Variants in MIPOL1 observed in about 807,000 individuals in gnomAD.
MIPOL1 encodes mirror-image polydactyly gene 1 protein.
In MIPOL1, 57 loss-of-function variants were observed where a neutral mutation model predicts 60.9. That is an observed-to-expected ratio of 0.94 (90% CI 0.76 to 1.17). The LOEUF (loss-of-function observed/expected upper bound fraction) is 1.17, where lower values mean the gene tolerates loss of function less well. Among genes scored for constraint, MIPOL1 ranks in the 50% most tolerant of loss-of-function variants. The pLI is 0.00. For synonymous variants in MIPOL1, 179 were observed against 168.8 expected, an observed-to-expected ratio of 1.06 and a Z score of -0.47; for missense variants, 551 against 511.6, an observed-to-expected ratio of 1.08 and a Z score of -0.74.
chr14:37,214,351 T>C (rs1229551981), intron 1 of MIPOL1, among the ~76,000 whole-genome samples: 2 of 152,120 alleles, frequency 1.3e-5, no homozygotes, highest in African/African-American at 4.8e-5. Flanking sequence ...GGCATAGAGT[T>C]TTTATTAGTT....
At chr14:37,334,480 ATTAC>A (rs1458306312) in intron 9 of MIPOL1, among the ~76,000 whole-genome samples, 2 of 151,960 alleles carry the variant, frequency 1.3e-5, no homozygotes, top group Non-Finnish European at 2.9e-5. Context: ...TTCATATATA[ATTAC>A]TTAATTGTTT....
chr14:37,518,094 A>T (rs2095384080), intron 12 of MIPOL1, among the ~76,000 whole-genome samples: 1 of 152,228 alleles, frequency 6.6e-6, no homozygotes, highest in South Asian at 2.1e-4. Flanking sequence ...TTGACTATAC[A>T]TCCTTAGTGG....
intron 10 of MIPOL1, among the ~76,000 whole-genome samples, chr14:37,386,727 T>C (rs143918908): frequency 3.3e-5 from 5 of 152,120 alleles, no homozygotes; most frequent in African/African-American, 1.2e-4. Flanking sequence ...AGAGAACAGA[T>C]AAATCACTGA....
chr14:37,542,204 G>A (rs933591343), intron 12 of MIPOL1, among the ~76,000 whole-genome samples: 1 of 152,054 alleles, frequency 6.6e-6, no homozygotes, highest in Middle Eastern at 3.2e-3. Context: ...TCACTTCTTG[G>A]AGTTCTCATC....
At chr14:37,335,201 G>A (rs935317467) in intron 9 of MIPOL1, among the ~76,000 whole-genome samples, 1 of 151,798 alleles carries the variant, frequency 6.6e-6, no homozygotes, top group African/African-American at 2.4e-5. Flanking sequence ...TAACCATCCC[G>A]GTGGATGTGA....
intron 12 of MIPOL1, among the ~76,000 whole-genome samples, chr14:37,520,464 C>T (rs576584545): frequency 1.6e-4 from 24 of 152,064 alleles, no homozygotes; most frequent in Non-Finnish European, 3.2e-4. Flanking sequence ...TAAAACTAAC[C>T]AGTTATTCTA....
At chr14:37,293,621 T>C (rs2085312162) in intron 7 of MIPOL1, among the ~76,000 whole-genome samples, 1 of 152,128 alleles carries the variant, frequency 6.6e-6, no homozygotes, top group African/African-American at 2.4e-5. Flanking sequence ...AATACTACGC[T>C]TTTCCAATGG....
At chr14:37,490,714 A>T (rs2095035639) in intron 11 of MIPOL1, among the ~76,000 whole-genome samples, 1 of 151,816 alleles carries the variant, frequency 6.6e-6, no homozygotes, top group African/African-American at 2.4e-5. Flanking sequence ...GAATTTCCTG[A>T]CCCCTTAACA....
intron 10 of MIPOL1, among the ~76,000 whole-genome samples, chr14:37,386,959 A>G (rs2093087101): frequency 6.6e-6 from 1 of 151,964 alleles, no homozygotes; most frequent in Admixed American, 6.6e-5. Context: ...AACAGAGCCA[A>G]TTGATAATAT....
chr14:37,319,947 G>T (rs1315991750), intron 9 of MIPOL1, among the ~76,000 whole-genome samples: 2 of 152,054 alleles, frequency 1.3e-5, no homozygotes, highest in Non-Finnish European at 2.9e-5. Flanking sequence ...GTTAACTACT[G>T]TATGTTGATC....
At position 37,293,570 on chromosome 14, in the gene MIPOL1, G is replaced by A. The variant is rs373794077; in HGVS notation, c.623+8123G>A. Among the ~76,000 whole-genome samples the A allele has an allele frequency of 4.6e-5, 7 of 152,244 alleles. No individual in the cohort carries two copies. In the East Asian group the frequency reaches 1.4e-3, roughly 29 times the overall value. On this transcript the variant is annotated intron_variant, in intron 7 of 12. Transcript: ENST00000684589. ...ATTCCCTTTCCTAGTCAAAGAAAGG[G>A]GTGACAGACGGCACCTGGAAAATCG... is the stretch of plus-strand genomic sequence containing the variant.
intron 11 of MIPOL1, among the ~76,000 whole-genome samples, chr14:37,431,119 A>T (rs1435631403): frequency 1.3e-5 from 2 of 152,176 alleles, no homozygotes; most frequent in African/African-American, 4.8e-5. Flanking sequence ...TGATGTTTCT[A>T]AACGTTGTTT....
At chr14:37,438,729 ACCAAACTGCACAAATTACAACC>A (rs1777848493) in intron 11 of MIPOL1, among the ~76,000 whole-genome samples, 1 of 152,230 alleles carries the variant, frequency 6.6e-6, no homozygotes, top group Non-Finnish European at 1.5e-5. Context: ...TCTGTGTTCA[ACCAAACTGCACAAATTACAACC>A]ACAGTTGATG....
chr14:37,534,199 G>T (rs932073714), intron 12 of MIPOL1, among the ~76,000 whole-genome samples: 3 of 152,034 alleles, frequency 2.0e-5, no homozygotes, highest in African/African-American at 7.2e-5. Flanking sequence ...ATACAGAAAG[G>T]CTAACCTTTA....
intron 9 of MIPOL1, among the ~76,000 whole-genome samples, chr14:37,367,904 T>A (rs2092526834): frequency 6.6e-6 from 1 of 152,086 alleles, no homozygotes; most frequent in South Asian, 2.1e-4. Context: ...GTGATTTGAT[T>A]GCATTCTGAC....
chr14:37,331,552 T>C (rs2089686050), intron 9 of MIPOL1, among the ~76,000 whole-genome samples: 2 of 142,410 alleles, frequency 1.4e-5, no homozygotes, highest in South Asian at 4.9e-4. Context: ...ATTACATTCT[T>C]GTTTTTTTTT....
intron 12 of MIPOL1, among the ~76,000 whole-genome samples, chr14:37,516,308 A>G (rs2095368857): frequency 6.6e-6 from 1 of 152,160 alleles, no homozygotes; most frequent in Non-Finnish European, 1.5e-5. Context: ...TCAAAAATAA[A>G]TGGCATCTTT....
intron 10 of MIPOL1, among the ~76,000 whole-genome samples, chr14:37,419,621 A>G (rs1010302068): frequency 6.6e-6 from 1 of 152,214 alleles, no homozygotes; most frequent in Non-Finnish European, 1.5e-5. Context: ...ATACTATAGT[A>G]AAAGTATAAA....
chr14:37,402,124 G>T (rs2093494827), intron 10 of MIPOL1, among the ~76,000 whole-genome samples: 2 of 152,108 alleles, frequency 1.3e-5, no homozygotes, highest in African/African-American at 4.8e-5. Context: ...GGATATGCAT[G>T]CTGGGTAAAG....
Sources: allele counts gnomAD v4.1 joint callset (sites outside exome capture counted in the v4.1 genomes callset), GRCh38; gene constraint gnomAD v4.1.1; transcripts MANE v1.5; gene names NCBI Gene and HGNC (gene_info 2026-07-23, HGNC 2026-07-21).